Variants in VIPR2 observed in about 807,000 individuals in gnomAD.
VIPR2 encodes the protein vasoactive intestinal polypeptide receptor 2.
Under a neutral mutation model 58.0 loss-of-function variants are expected in VIPR2, and 48 were observed. The ratio of observed to expected loss-of-function variants is 0.83; its 90% CI spans 0.66 to 1.05. VIPR2 has a LOEUF of 1.05. Among genes scored for constraint, VIPR2 ranks in the 50% least tolerant of loss-of-function variants. The pLI is 0.00. For synonymous variants in VIPR2, 243 were observed against 235.2 expected, an observed-to-expected ratio of 1.03 and a Z score of -0.30; for missense variants, 534 against 558.0, an observed-to-expected ratio of 0.96 and a Z score of 0.43.
rs542437075 is a variant in VIPR2, at chr7:159,093,538, T to C, written c.357+10219A>G. On this transcript the variant is annotated intron_variant, in intron 4 of 12. Transcript: ENST00000262178. The surrounding 1 kb of genome is among the most constrained non-coding windows in gnomAD (Gnocchi z 6.7). ...TTTCTCACAAAAATAACCACTTCCC[T>C]GGGCTGAAAACTCCCCTGGAGTCTG... is the stretch of plus-strand genomic sequence containing the variant. 6.6e-6 allele frequency among the ~76,000 whole-genome samples: 1 copy of C among 152,264 alleles called. No homozygotes were observed. Among genetic ancestry groups the C allele is most frequent in the African/African-American group, 2.4e-5 (1 of 41,554 alleles).
At chr7:159,100,329 G>T (rs62485858) in intron 4 of VIPR2, among the ~76,000 whole-genome samples, 23,719 of 152,030 alleles carry the variant, frequency 0.16, 2,206 homozygotes, top group Middle Eastern at 0.29. Flanking sequence ...CAGTGACAGT[G>T]GGCTCACAGT....
rs1433427357 is a variant in VIPR2, at chr7:159,097,973, C to G, written c.357+5784G>C. Among the ~76,000 whole-genome samples the G allele has an allele frequency of 6.6e-6, 1 of 152,156 alleles. No homozygotes were observed. Among genetic ancestry groups the G allele is most frequent in the Non-Finnish European group, 1.5e-5 (1 of 68,032 alleles). ...CGTGCTGGAAAGGCAGGGTCTCAGC[C>G]CCCACACAGACCCACTGGGCCAGAG... On this transcript the variant is annotated intron_variant, in intron 4 of 12. Transcript: ENST00000262178. The surrounding 1 kb of genome is among the most constrained non-coding windows in gnomAD (Gnocchi z 5.3).
At chr7:159,125,418 C>T (rs1796617498) in intron 2 of VIPR2, among the ~76,000 whole-genome samples, 1 of 152,174 alleles carries the variant, frequency 6.6e-6, no homozygotes, top group Non-Finnish European at 1.5e-5. Context: ...AACTGTGGTT[C>T]CTTCCTCACT....
chr7:159,135,029 TTAA>T (rs1797154114), intron 2 of VIPR2, among the ~76,000 whole-genome samples: 7 of 93,724 alleles, frequency 7.5e-5, no homozygotes, highest in African/African-American at 2.0e-4. Flanking sequence ...TTTTTTTTTT[TTAA>T]CATTTTAAGT....
intron 1 of VIPR2, among the ~76,000 whole-genome samples, chr7:159,142,859 C>G (rs147526132): frequency 6.6e-6 from 1 of 152,332 alleles, no homozygotes; most frequent in East Asian, 1.9e-4. Context: ...TCTCTCCATA[C>G]CCGGCTCCTC....
At chr7:159,048,484 G>A (rs1416700674) in intron 5 of VIPR2, among the ~76,000 whole-genome samples, 1 of 152,188 alleles carries the variant, frequency 6.6e-6, no homozygotes, top group Non-Finnish European at 1.5e-5. Flanking sequence ...GGCAGATCAA[G>A]TATTTCCAAT....
intron 6 of VIPR2, among the ~76,000 whole-genome samples, chr7:159,037,379 G>A (rs73522244): frequency 1.9e-3 from 296 of 152,368 alleles, no homozygotes; most frequent in African/African-American, 6.5e-3. Context: ...CAGGGGCCCA[G>A]GGCTCTGGCC....
chr7:159,070,432 G>C (rs1585413339), intron 4 of VIPR2, among the ~76,000 whole-genome samples: 1 of 152,074 alleles, frequency 6.6e-6, no homozygotes, highest in East Asian at 1.9e-4. Context: ...GGGATGATTT[G>C]TGGTGGGAGT....
At chr7:159,119,188 G>A (rs898524478) in intron 2 of VIPR2, among the ~76,000 whole-genome samples, 8 of 152,138 alleles carry the variant, frequency 5.3e-5, no homozygotes, top group South Asian at 4.1e-4. Context: ...GCAGCTCCCC[G>A]GGTGGACACA....
At chr7:159,129,710 T>C (rs1483979081) in intron 2 of VIPR2, among the ~76,000 whole-genome samples, 18 of 133,466 alleles carry the variant, frequency 1.3e-4, no homozygotes, top group African/African-American at 4.7e-4. Flanking sequence ...CACACTCTGT[T>C]CCCTCAAACT....
At chr7:159,130,813 G>A (rs1288214829) in intron 2 of VIPR2, among the ~76,000 whole-genome samples, 1 of 152,228 alleles carries the variant, frequency 6.6e-6, no homozygotes, top group Non-Finnish European at 1.5e-5. Flanking sequence ...TCACTGGCAA[G>A]GAAAGAGTTA....
intron 6 of VIPR2, among the ~76,000 whole-genome samples, chr7:159,037,560 G>A (rs930847508): frequency 6.6e-6 from 1 of 152,130 alleles, no homozygotes; most frequent in Admixed American, 6.5e-5. Context: ...TTCCTCAATT[G>A]TAAAAAACTG....
chr7:159,052,990 A>AC (rs2129493804), intron 5 of VIPR2, among the ~76,000 whole-genome samples: 1 of 152,328 alleles, frequency 6.6e-6, no homozygotes, highest in East Asian at 1.9e-4. Flanking sequence ...TGCTATCACC[A>AC]CTTCTATTCA....
chr7:159,076,054 G>T (rs1476360764), intron 4 of VIPR2, among the ~76,000 whole-genome samples: 1 of 152,218 alleles, frequency 6.6e-6, no homozygotes, highest in African/African-American at 2.4e-5. Flanking sequence ...GTACAGAAGT[G>T]GAAGAAACAG....
chr7:159,062,879 G>T (rs1855791524), intron 4 of VIPR2, among the ~76,000 whole-genome samples: 1 of 152,062 alleles, frequency 6.6e-6, no homozygotes. Context: ...TTTTGACAGG[G>T]TACTGATTGG....
At chr7:159,044,455 A>G (rs192687202) in intron 5 of VIPR2, among the ~76,000 whole-genome samples, 25 of 152,212 alleles carry the variant, frequency 1.6e-4, no homozygotes, top group African/African-American at 5.8e-4. Flanking sequence ...AATATGGCCC[A>G]TTTACAGGAA....
chr7:159,065,362 C>T (rs1373528694), intron 4 of VIPR2, among the ~76,000 whole-genome samples: 4 of 152,178 alleles, frequency 2.6e-5, no homozygotes, highest in Non-Finnish European at 4.4e-5. Flanking sequence ...AGGCTCTGGC[C>T]CTCCGTGGCT....
At chr7:159,108,041 G>C (rs982816145) in intron 3 of VIPR2, among the ~76,000 whole-genome samples, 1 of 152,218 alleles carries the variant, frequency 6.6e-6, no homozygotes, top group African/African-American at 2.4e-5. Context: ...ATGATTCCAC[G>C]TGTGTTCTAT....
intron 3 of VIPR2, 89 bp from the exon 4 acceptor site, chr7:159,103,943 T>C: frequency 8.8e-7 from 1 of 1,139,064 alleles, no homozygotes; most frequent in Non-Finnish European, 1.3e-6. Context: ...CCGTGCTCTA[T>C]TAAAATGCTT....
Sources: gnomAD v4.1 joint callset for allele counts (sites outside exome capture counted in the v4.1 genomes callset) on GRCh38, gnomAD v4.1.1 for gene constraint, Gnocchi (gnomAD v3.1) non-coding constraint, MANE v1.5 for transcripts, NCBI Gene and HGNC (gene_info 2026-07-23, HGNC 2026-07-21) for gene names.